The following TBL1XR1 variants were observed in gnomAD, a reference collection of about 807,000 sequenced individuals.
The protein encoded by TBL1XR1 is TBL1X/Y related 1, also known as F-box-like/WD repeat-containing protein TBL1XR1.
A neutral mutation model predicts 66.9 loss-of-function variants in TBL1XR1; 5 were observed. That is an observed-to-expected ratio of 0.07 (90% CI 0.04 to 0.16). TBL1XR1 has a LOEUF of 0.16. Ranked by LOEUF, TBL1XR1 falls within the 10% of genes least tolerant of loss-of-function variation. The pLI is 1.00. For synonymous variants in TBL1XR1, 210 were observed against 206.0 expected (o/e 1.02, Z -0.17); for missense variants, 238 against 623.2 (o/e 0.38, Z 6.58).
chr3:177,043,030 C>T (rs1715815801), intron 10 of TBL1XR1, among the ~76,000 whole-genome samples: 1 of 152,066 alleles, frequency 6.6e-6, no homozygotes, highest in African/African-American at 2.4e-5. Context: ...AAATATAAAA[C>T]TTTCTAACTT....
intron 1 of TBL1XR1, among the ~76,000 whole-genome samples, chr3:177,156,890 A>T (rs1731587203): frequency 6.6e-6 from 1 of 152,230 alleles, no homozygotes; most frequent in Non-Finnish European, 1.5e-5. Flanking sequence ...CAAGTCAAGC[A>T]CAAAATACAC....
chr3:177,086,937 T>TA (rs1352909291), intron 2 of TBL1XR1: 3 of 151,068 alleles, frequency 2.0e-5, no homozygotes, highest in African/African-American at 7.3e-5. Context: ...AAAGGTTATT[T>TA]AAAAAATCAT....
intron 1 of TBL1XR1, among the ~76,000 whole-genome samples, chr3:177,144,119 C>A (rs1217453913): frequency 6.6e-6 from 1 of 152,034 alleles, no homozygotes. Context: ...GTGCTATATG[C>A]CTGTAATCCC....
At chr3:177,072,655 T>A (rs1302290317) in intron 2 of TBL1XR1, among the ~76,000 whole-genome samples, 1 of 152,158 alleles carries the variant, frequency 6.6e-6, no homozygotes, top group East Asian at 1.9e-4. Flanking sequence ...AGGACTGCAA[T>A]GGTTTGAATT....
At chr3:177,183,015 C>A (rs61368516) in intron 1 of TBL1XR1, among the ~76,000 whole-genome samples, 65 of 152,170 alleles carry the variant, frequency 4.3e-4, no homozygotes, top group African/African-American at 1.5e-3. Context: ...AATTCCTTAT[C>A]ATTTGTATCT....
At chr3:177,183,941 T>C (rs1181930248) in intron 1 of TBL1XR1, among the ~76,000 whole-genome samples, 4 of 151,860 alleles carry the variant, frequency 2.6e-5, no homozygotes, top group African/African-American at 9.7e-5. Flanking sequence ...GAGAGTTCAC[T>C]GCCAAAAATG....
At chr3:177,091,159 G>C (rs923696895) in intron 2 of TBL1XR1, 1 of 151,916 alleles carries the variant, frequency 6.6e-6, no homozygotes, top group East Asian at 1.9e-4. Flanking sequence ...ACTTTAAAAC[G>C]TAATACTTAG....
chr3:177,063,852 C>A (rs1369600006), intron 3 of TBL1XR1, among the ~76,000 whole-genome samples: 1 of 152,104 alleles, frequency 6.6e-6, no homozygotes, highest in Non-Finnish European at 1.5e-5. Flanking sequence ...CAGAGAGGGG[C>A]AGTGATGGTG....
At chr3:177,051,368 G>C in intron 5 of TBL1XR1, 136 bp downstream of exon 5, 1 of 728,236 alleles carries the variant, frequency 1.4e-6, no homozygotes. Context: ...CCTGGGTGAT[G>C]AAATAGTCTG....
intron 1 of TBL1XR1, among the ~76,000 whole-genome samples, chr3:177,153,894 A>AC (rs1731192056): frequency 6.6e-6 from 1 of 151,262 alleles, no homozygotes; most frequent in Non-Finnish European, 1.5e-5. Context: ...AAAAAAAAAA[A>AC]AAAGTATGGA....
At chr3:177,061,868 T>G (rs536019285) in intron 3 of TBL1XR1, among the ~76,000 whole-genome samples, 1 of 152,196 alleles carries the variant, frequency 6.6e-6, no homozygotes, top group Non-Finnish European at 1.5e-5. Context: ...TTAGGACCTA[T>G]TGCAAAAGTA....
At chr3:177,117,908 AC>A (rs1726503714) in intron 1 of TBL1XR1, among the ~76,000 whole-genome samples, 1 of 152,164 alleles carries the variant, frequency 6.6e-6, no homozygotes, top group Non-Finnish European at 1.5e-5. Context: ...GAACATTCTG[AC>A]CCCCTCAATT....
Position 177,023,369 on chromosome 3 carries a change from C to T in TBL1XR1, c.*2129G>A, listed in dbSNP as rs944364831. 10 of 152,370 alleles carry T rather than the reference C, an allele frequency of 6.6e-5. No homozygotes were observed. Among genetic ancestry groups the T allele is most frequent in the African/African-American group, 2.4e-4 (10 of 41,382 alleles). The allele number at this position is 152,370 out of a possible 1,614,324, so 9.4% of individuals were successfully genotyped here. Reference sequence around the variant, plus strand: ...TTTAAACAATAACAGAGGTCAACCACAGATGTGGACCTCCAGCAATAAAAG... The same window carrying T: ...TTTAAACAATAACAGAGGTCAACCATAGATGTGGACCTCCAGCAATAAAAG... On this transcript the variant is annotated 3_prime_UTR_variant, in exon 16 of 16. Transcript: ENST00000457928.
chr3:177,179,989 C>T (rs1162153970), intron 1 of TBL1XR1, among the ~76,000 whole-genome samples: 2 of 152,056 alleles, frequency 1.3e-5, no homozygotes, highest in Non-Finnish European at 2.9e-5. Flanking sequence ...CCTGTAATCC[C>T]AGCACTTTGG....
At chr3:177,128,062 T>A (rs190473889) in intron 1 of TBL1XR1, among the ~76,000 whole-genome samples, 1 of 151,788 alleles carries the variant, frequency 6.6e-6, no homozygotes, top group Non-Finnish European at 1.5e-5. Context: ...TCTACTAAAA[T>A]GCAAAAATTA....
chr3:177,142,920 A>G (rs187239567), intron 1 of TBL1XR1, among the ~76,000 whole-genome samples: 1 of 152,172 alleles, frequency 6.6e-6, no homozygotes, highest in African/African-American at 2.4e-5. Context: ...AAGACAAAAA[A>G]AAGACAGCAT....
At chr3:177,078,109 C>A (rs1000648755) in intron 2 of TBL1XR1, among the ~76,000 whole-genome samples, 1 of 152,128 alleles carries the variant, frequency 6.6e-6, no homozygotes, top group African/African-American at 2.4e-5. Context: ...TTTTTTCAAC[C>A]ACTACCAAAT....
At position 177,053,717 on chromosome 3, in the gene TBL1XR1, A is replaced by C. The variant is rs1021612826; in HGVS notation, c.204+56T>G. 6 of 1,511,206 alleles carry C rather than the reference A, an allele frequency of 4.0e-6. No homozygotes were observed. The Admixed American group carries it at 9.3e-5, about 23-fold the overall frequency. 93.6% of individuals were successfully genotyped at this position (1,511,206 alleles called of 1,614,324 possible). A position where few individuals can be genotyped will look rare whatever the true frequency, so the allele number is the denominator to read the frequency against. On this transcript the variant is annotated intron_variant, in intron 4 of 15. Transcript: ENST00000457928. ...ACTGAATAAGCAAGCAAGACAGCTG[A>C]CTTAACGGCATATTTAAGATGAAAA...
intron 3 of TBL1XR1, among the ~76,000 whole-genome samples, chr3:177,059,313 T>C (rs115160878): frequency 7.2e-4 from 109 of 152,296 alleles, no homozygotes; most frequent in Non-Finnish European, 1.4e-3. Flanking sequence ...CACTGTAATA[T>C]TCATTAGCCA....
Sources: allele counts gnomAD v4.1 joint callset (sites outside exome capture counted in the v4.1 genomes callset), GRCh38; gene constraint gnomAD v4.1.1; transcripts MANE v1.5; gene names NCBI Gene and HGNC (gene_info 2026-07-23, HGNC 2026-07-21).